PSD3: variants seen among roughly 807,000 people sequenced by gnomAD.
The protein encoded by PSD3 is pleckstrin and Sec7 domain containing 3.
A neutral mutation model predicts 105.5 loss-of-function variants in PSD3; 49 were observed. The ratio of observed to expected loss-of-function variants is 0.46; its 90% CI spans 0.37 to 0.59. The LOEUF is 0.59. PSD3 is among the 20% of genes least tolerant of loss of function. The pLI, the probability that PSD3 is intolerant of heterozygous loss-of-function variation, is 0.00. For synonymous variants in PSD3, 557 were observed against 457.8 expected, an observed-to-expected ratio of 1.22 and a Z score of -2.77; for missense variants, 1,561 against 1,263.8, an observed-to-expected ratio of 1.24 and a Z score of -3.57.
chr8:18,704,780 C>A (rs1255984460), intron 9 of PSD3, among the ~76,000 whole-genome samples: 1 of 151,920 alleles, frequency 6.6e-6, no homozygotes, highest in Non-Finnish European at 1.5e-5. Context: ...TGATTAAAAA[C>A]TGAAAGTAGA....
At chr8:18,625,237 G>A (rs1253655571) in intron 11 of PSD3, among the ~76,000 whole-genome samples, 1 of 150,264 alleles carries the variant, frequency 6.7e-6, no homozygotes, top group African/African-American at 2.5e-5. Context: ...CATAAATTAC[G>A]GAAGAATTTT....
At chr8:18,766,873 C>T (rs1024991809) in intron 8 of PSD3, among the ~76,000 whole-genome samples, 3 of 152,142 alleles carry the variant, frequency 2.0e-5, no homozygotes, top group African/African-American at 4.8e-5. Context: ...AGGAGAGAAA[C>T]CCTAACCTTC....
intron 8 of PSD3, among the ~76,000 whole-genome samples, chr8:18,796,635 A>G (rs1427453090): frequency 6.6e-6 from 1 of 152,240 alleles, no homozygotes; most frequent in Non-Finnish European, 1.5e-5. Context: ...AGGTTCACCA[A>G]GAGCAGCCAA....
chr8:19,083,301 G>A (rs539473467), intron 1 of PSD3, among the ~76,000 whole-genome samples: 81 of 152,336 alleles, frequency 5.3e-4, no homozygotes, highest in Middle Eastern at 3.4e-3. Context: ...TGAGAACAGT[G>A]CACCTGAGCT....
intron 14 of PSD3, among the ~76,000 whole-genome samples, chr8:18,559,181 C>T (rs1801249214): frequency 6.6e-6 from 1 of 152,154 alleles, no homozygotes; most frequent in African/African-American, 2.4e-5. Flanking sequence ...AGAATATGCG[C>T]ATCTTTAAGA....
chr8:18,913,116 CACACACA>C (rs1563413108), intron 2 of PSD3, among the ~76,000 whole-genome samples: 1 of 151,402 alleles, frequency 6.6e-6, no homozygotes, highest in Admixed American at 6.6e-5. Context: ...CACACACACA[CACACACA>C]CTCTCCTTCT....
chr8:18,985,132 C>T (rs1291250586), intron 1 of PSD3, among the ~76,000 whole-genome samples: 1 of 152,144 alleles, frequency 6.6e-6, no homozygotes, highest in East Asian at 1.9e-4. Flanking sequence ...TGGGGTTTCG[C>T]CATGTTGGCC....
intron 9 of PSD3, among the ~76,000 whole-genome samples, chr8:18,741,843 A>G (rs1383864192): frequency 6.6e-6 from 1 of 151,942 alleles, no homozygotes; most frequent in Non-Finnish European, 1.5e-5. Flanking sequence ...GGTTACCAAC[A>G]AATGAAATAG....
At chr8:18,711,148 T>C (rs866908459) in intron 9 of PSD3, among the ~76,000 whole-genome samples, 19 of 152,018 alleles carry the variant, frequency 1.2e-4, no homozygotes, top group Middle Eastern at 3.2e-3. Flanking sequence ...GCACTGAATA[T>C]GGAAAGGGAA....
intron 1 of PSD3, among the ~76,000 whole-genome samples, chr8:19,063,133 T>A (rs1344215038): frequency 1.3e-5 from 2 of 152,344 alleles, no homozygotes; most frequent in South Asian, 4.1e-4. Flanking sequence ...GAGAGTTCCA[T>A]TGAGTCTGTA....
chr8:18,808,789 CA>C, intron 4 of PSD3: 1 of 1,614,104 alleles, frequency 6.2e-7, no homozygotes, highest in Non-Finnish European at 8.5e-7. Flanking sequence ...GAGCCCATCG[CA>C]ACCCCTGGGG....
At chr8:18,924,248 T>A (rs933915345) in intron 2 of PSD3, among the ~76,000 whole-genome samples, 2 of 152,164 alleles carry the variant, frequency 1.3e-5, no homozygotes, top group Non-Finnish European at 1.5e-5. Flanking sequence ...CTACTGCGTA[T>A]CAAGCAGAGG....
At chr8:19,076,300 G>A (rs929599292) in intron 1 of PSD3, among the ~76,000 whole-genome samples, 2 of 152,078 alleles carry the variant, frequency 1.3e-5, no homozygotes, top group African/African-American at 4.8e-5. Flanking sequence ...GGATCTACTT[G>A]CCTTGCAATA....
At chr8:19,050,155 T>A (rs1041881339) in intron 1 of PSD3, among the ~76,000 whole-genome samples, 1 of 152,216 alleles carries the variant, frequency 6.6e-6, no homozygotes, top group Non-Finnish European at 1.5e-5. Flanking sequence ...CTTTGAGGAC[T>A]GCAATTTGCA....
Position 19,082,045 on chromosome 8 carries a change from A to G in PSD3, c.324+2161T>C, listed in dbSNP as rs78759934. Among the ~76,000 whole-genome samples, 1,313 of 152,356 alleles carry G rather than the reference A, an allele frequency of 8.6e-3. 12 individuals carry two copies. Among genetic ancestry groups the G allele is most frequent in the African/African-American group, 0.03 (1,245 of 41,576 alleles). On this transcript the variant is annotated intron_variant, in intron 1 of 1. Coordinates refer to the PSD3 transcript ENST00000521475. Reference sequence around the variant, plus strand: ...TTTTTGATACTTTGCGACAATTCATATAGCTACATTCTAAAACATGAAAGG... The same window carrying G: ...TTTTTGATACTTTGCGACAATTCATGTAGCTACATTCTAAAACATGAAAGG...
chr8:18,739,484 T>C (rs956198756), intron 9 of PSD3, among the ~76,000 whole-genome samples: 1 of 152,176 alleles, frequency 6.6e-6, no homozygotes, highest in Non-Finnish European at 1.5e-5. Flanking sequence ...TGTTTTATTA[T>C]AGGGTTGAAA....
At chr8:18,578,060 G>C (rs775700177) in intron 12 of PSD3, among the ~76,000 whole-genome samples, 17 of 151,958 alleles carry the variant, frequency 1.1e-4, no homozygotes, top group Admixed American at 4.6e-4. Context: ...TTATTGTCTG[G>C]AGATGCTATT....
At chr8:18,756,057 T>C (rs1462050006) in intron 9 of PSD3, among the ~76,000 whole-genome samples, 2 of 152,154 alleles carry the variant, frequency 1.3e-5, no homozygotes, top group African/African-American at 4.8e-5. Flanking sequence ...AGCTTTTCTC[T>C]TAAAAAGCTT....
chr8:18,828,437 T>C (rs972861323), intron 4 of PSD3, among the ~76,000 whole-genome samples: 1 of 152,140 alleles, frequency 6.6e-6, no homozygotes, highest in Non-Finnish European at 1.5e-5. Flanking sequence ...CAAGCTTCGA[T>C]ACAAGAAAGC....
Sources: allele counts gnomAD v4.1 joint callset (sites outside exome capture counted in the v4.1 genomes callset), GRCh38; gene constraint gnomAD v4.1.1; transcripts MANE v1.5; gene names NCBI Gene and HGNC (gene_info 2026-07-23, HGNC 2026-07-21).